Variants in IL6R observed in about 807,000 individuals in gnomAD.
The protein encoded by IL6R is interleukin 6 receptor, also known as interleukin-6 receptor subunit alpha.
Under a neutral mutation model 48.3 loss-of-function variants are expected in IL6R, and 38 were observed. The observed-to-expected ratio is 0.79, with a 90% CI of 0.61 to 1.03. The LOEUF (loss-of-function observed/expected upper bound fraction) is 1.03, where lower values mean the gene tolerates loss of function less well. Ranked by LOEUF, IL6R falls within the 50% of genes least tolerant of loss-of-function variation. The probability of loss-of-function intolerance (pLI) is 0.00; values close to 1 mark genes in which losing one functional copy is unlikely to be tolerated. For synonymous variants in IL6R, 264 were observed against 256.2 expected, an observed-to-expected ratio of 1.03 and a Z score of -0.29; for missense variants, 534 against 618.3, an observed-to-expected ratio of 0.86 and a Z score of 1.45.
intron 3 of IL6R, among the ~76,000 whole-genome samples, chr1:154,431,503 A>T (rs936052302): frequency 5.9e-5 from 9 of 152,248 alleles, no homozygotes; most frequent in Non-Finnish European, 1.3e-4. Flanking sequence ...AGGTGCAGTA[A>T]GAGGTTAGCA....
chr1:154,437,189 C>T (rs959293396), intron 6 of IL6R, among the ~76,000 whole-genome samples: 2 of 151,934 alleles, frequency 1.3e-5, no homozygotes, highest in African/African-American at 4.8e-5. Context: ...CTCCGCTTTC[C>T]AGGTTCATGC....
chr1:154,436,226 C>T lies in IL6R; in HGVS notation c.949+116C>T. Reference sequence around the variant, plus strand: ...GTGGCTTAGGCCAGGTGTGGTGGCTCACACCTGTAATCCCAGCACTTTGGG... The same window carrying T: ...GTGGCTTAGGCCAGGTGTGGTGGCTTACACCTGTAATCCCAGCACTTTGGG... On this transcript the variant is annotated intron_variant, in intron 6 of 9. Transcript: ENST00000368485. The T allele has an allele frequency of 3.4e-6, 4 of 1,186,762 alleles. No individual in the cohort carries two copies. In the South Asian group the frequency reaches 6.4e-5, roughly 19 times the overall value. 73.5% of individuals were successfully genotyped at this position (1,186,762 alleles called of 1,614,324 possible).
chr1:154,421,706 ACCT>A (rs1218277502), intron 1 of IL6R, among the ~76,000 whole-genome samples: 2 of 150,358 alleles, frequency 1.3e-5, no homozygotes, highest in East Asian at 4.0e-4. Context: ...TTCAGACTTG[ACCT>A]CCTGGGCTCA....
At chr1:154,416,099 T>C (rs552369135) in intron 1 of IL6R, among the ~76,000 whole-genome samples, 2 of 152,284 alleles carry the variant, frequency 1.3e-5, no homozygotes, top group African/African-American at 4.8e-5. Flanking sequence ...TGTGCCAGTA[T>C]CGCACTGTTT....
In IL6R at chr1:154,423,260, AATATATATATAT is replaced by A. The variant is rs35079361; in HGVS notation, c.86-5923_86-5912del. ...CCAGGCTATGTAGCTTGTTTAATTA[AATATATATATAT>A]ATATATATATATGTATTCATTATAA... On this transcript the variant is annotated intron_variant, in intron 1 of 9. Coordinates refer to ENST00000368485, the MANE Select transcript of IL6R (RefSeq NM_000565.4). Among the ~76,000 whole-genome samples, 12 of 85,464 alleles carry A rather than the reference AATATATATATAT, an allele frequency of 1.4e-4. 2 individuals carry two copies. The highest frequency in any genetic ancestry group is 9.2e-4 in the Admixed American group (6 of 6,494). 56.1% of individuals were successfully genotyped at this position (85,464 alleles called of 152,430 possible).
intron 1 of IL6R, among the ~76,000 whole-genome samples, chr1:154,426,788 A>G (rs991537214): frequency 9.9e-5 from 15 of 152,162 alleles, no homozygotes; most frequent in Admixed American, 9.8e-4. Flanking sequence ...CAATGCTAAA[A>G]ATATATTGTT....
chr1:154,444,473 C>T (rs1306184163), intron 6 of IL6R, among the ~76,000 whole-genome samples: 1 of 152,214 alleles, frequency 6.6e-6, no homozygotes, highest in East Asian at 1.9e-4. Context: ...TCCCAAAGTG[C>T]TGGGATTACA....
intron 1 of IL6R, among the ~76,000 whole-genome samples, chr1:154,421,459 C>T (rs903539470): frequency 6.6e-6 from 1 of 152,186 alleles, no homozygotes; most frequent in Non-Finnish European, 1.5e-5. Flanking sequence ...AAAGGCATAG[C>T]ATTTCAGAAG....
rs1169746706 is a variant in IL6R, at chr1:154,467,576, G to C, written c.*2196G>C. The stretch of plus-strand genomic sequence containing the variant: ...TTGTCTGTAGATTTTAGACCCTATT[G>C]CTGCTTGAGGCAACTCATCTTAGGT... On this transcript the variant is annotated 3_prime_UTR_variant, in exon 10 of 10. Coordinates refer to ENST00000368485, the MANE Select transcript of IL6R (RefSeq NM_000565.4). 1.6e-4 allele frequency: 24 copies of C among 152,218 alleles called. No individual in the cohort carries two copies. Among genetic ancestry groups the C allele is most frequent in the Admixed American group, 1.6e-3 (24 of 15,280 alleles). The allele number at this position is 152,218 out of a possible 1,614,324, so 9.4% of individuals were successfully genotyped here. A position where few individuals can be genotyped will look rare whatever the true frequency, so the allele number is the denominator to read the frequency against.
chr1:154,456,422 GTCTTGATCTC>G (rs1358786732), intron 9 of IL6R, among the ~76,000 whole-genome samples: 6 of 152,040 alleles, frequency 3.9e-5, no homozygotes, highest in African/African-American at 1.4e-4. Context: ...GGCCAGGCTG[GTCTTGATCTC>G]CTGACCTCAG....
At position 154,409,764 on chromosome 1, in the gene IL6R, A is replaced by G. The variant is rs372096699; in HGVS notation, c.85+4050A>G. Among the ~76,000 whole-genome samples the G allele has an allele frequency of 3.9e-5, 6 of 152,264 alleles. No homozygotes were observed. In the East Asian group the frequency reaches 1.2e-3, roughly 29 times the overall value. ...CCCAGGCTTAGTTGAGTTTCATTCTAGTGTGGGAGACTATTAACAGGATGT... is the reference window on the plus strand; with the variant it reads ...CCCAGGCTTAGTTGAGTTTCATTCTGGTGTGGGAGACTATTAACAGGATGT... On this transcript the variant is annotated intron_variant, in intron 1 of 9. Coordinates refer to ENST00000368485, the MANE Select transcript of IL6R (RefSeq NM_000565.4).
chr1:154,434,443 C>T (rs1689487635), intron 3 of IL6R, 76 bp from the exon 4 acceptor site: 1 of 1,327,396 alleles, frequency 7.5e-7, no homozygotes, highest in South Asian at 1.4e-5. Context: ...CCCGGGATTC[C>T]ACTTCCCCCT....
intron 1 of IL6R, among the ~76,000 whole-genome samples, chr1:154,422,438 A>G (rs1000294795): frequency 5.9e-5 from 9 of 152,170 alleles, no homozygotes; most frequent in Admixed American, 2.6e-4. Context: ...TATTACAGAT[A>G]GTTTTAAGTT....
At chr1:154,451,772 G>A (rs1690595625) in intron 8 of IL6R, among the ~76,000 whole-genome samples, 1 of 152,118 alleles carries the variant, frequency 6.6e-6, no homozygotes, top group Middle Eastern at 3.4e-3. Flanking sequence ...CCCACCTCAG[G>A]TGATCTGCCT....
chr1:154,416,834 T>G (rs1267142090), intron 1 of IL6R, among the ~76,000 whole-genome samples: 2 of 151,202 alleles, frequency 1.3e-5, no homozygotes, highest in Non-Finnish European at 3.0e-5. Flanking sequence ...CTGGGTGGGT[T>G]TTTACAAACT....
chr1:154,440,538 T>C (rs1269651208), intron 6 of IL6R, among the ~76,000 whole-genome samples: 2 of 152,224 alleles, frequency 1.3e-5, no homozygotes, highest in Admixed American at 6.5e-5. Context: ...AGGGTTCCAG[T>C]TTCTCCACAT....
At chr1:154,426,552 G>A (rs1688985746) in intron 1 of IL6R, among the ~76,000 whole-genome samples, 1 of 151,002 alleles carries the variant, frequency 6.6e-6, no homozygotes, top group South Asian at 2.1e-4. Context: ...AAAGAGAAAA[G>A]CATATCACAG....
chr1:154,405,529 G>GGCCCCCCCCCCCC lies in IL6R; in HGVS notation c.-101_-100insGCCCCCCCCCCCC. 2.6e-6 allele frequency: 1 copy of GGCCCCCCCCCCCC among 388,508 alleles called. No individual in the cohort carries two copies. Among genetic ancestry groups the GGCCCCCCCCCCCC allele is most frequent in the Non-Finnish European group, 4.7e-6 (1 of 214,592 alleles). 24.1% of individuals were successfully genotyped at this position (388,508 alleles called of 1,614,324 possible). On this transcript the variant is annotated 5_prime_UTR_variant, in exon 1 of 10. Transcript: ENST00000368485. The surrounding 1 kb of genome is among the most constrained non-coding windows in gnomAD (Gnocchi z 5.2). Reference sequence around the variant, plus strand: ...CTGCCCCCGGGGCCTGAGCCCGCCTGCCCGCCCACCGCCCCGCCCCGCCCC... The same window carrying GGCCCCCCCCCCCC: ...CTGCCCCCGGGGCCTGAGCCCGCCTGGCCCCCCCCCCCCCCCGCCCACCGCCCCGCCCCGCCCC...
intron 9 of IL6R, among the ~76,000 whole-genome samples, chr1:154,458,458 G>A (rs1172541969): frequency 1.3e-5 from 2 of 152,162 alleles, no homozygotes; most frequent in African/African-American, 4.8e-5. Flanking sequence ...CCTCACCCTA[G>A]GTATACCCTC....
Sources: gnomAD v4.1 joint callset for allele counts (sites outside exome capture counted in the v4.1 genomes callset) on GRCh38, gnomAD v4.1.1 for gene constraint, Gnocchi (gnomAD v3.1) non-coding constraint, MANE v1.5 for transcripts, NCBI Gene and HGNC (gene_info 2026-07-23, HGNC 2026-07-21) for gene names.